ANXA10: variants seen among roughly 807,000 people sequenced by gnomAD.
ANXA10 encodes the protein annexin 14.
ANXA10 carries 49 observed loss-of-function variants against 53.5 expected under a neutral mutation model. The ratio of observed to expected loss-of-function variants is 0.92; its 90% CI spans 0.73 to 1.16. ANXA10 has a LOEUF of 1.16. Ranked by LOEUF, ANXA10 falls within the 50% of genes most tolerant of loss-of-function variation. The pLI, the probability that ANXA10 is intolerant of heterozygous loss-of-function variation, is 0.00. For missense variants in ANXA10, 393 were observed against 394.4 expected (o/e 1.00, Z 0.03); for synonymous variants, 131 against 128.9 (o/e 1.02, Z -0.11).
chr4:168,182,071 TA>T (rs1732259586), intron 10 of ANXA10, among the ~76,000 whole-genome samples: 1 of 152,168 alleles, frequency 6.6e-6, no homozygotes. Context: ...CTTATGCAAG[TA>T]CAAAACATAT....
chr4:168,102,079 T>C (rs1247557736), intron 1 of ANXA10, among the ~76,000 whole-genome samples: 1 of 152,134 alleles, frequency 6.6e-6, no homozygotes, highest in Admixed American at 6.6e-5. Context: ...GAGGAGTACA[T>C]TGTTTGGATT....
intron 3 of ANXA10, among the ~76,000 whole-genome samples, chr4:168,161,191 G>T (rs962298852): frequency 2.0e-5 from 3 of 151,798 alleles, no homozygotes; most frequent in Non-Finnish European, 4.4e-5. Context: ...TTATAGTTTT[G>T]GGTTTTACAT....
chr4:168,184,874 G>A (rs1354208425), intron 11 of ANXA10, among the ~76,000 whole-genome samples, 193 bp downstream of exon 11: 1 of 152,170 alleles, frequency 6.6e-6, no homozygotes, highest in African/African-American at 2.4e-5. Flanking sequence ...CTTTACCTCA[G>A]CTGGGCGTGG....
intron 1 of ANXA10, among the ~76,000 whole-genome samples, chr4:168,109,305 A>G (rs1283854358): frequency 2.0e-5 from 3 of 152,212 alleles, no homozygotes; most frequent in East Asian, 3.8e-4. Context: ...TCAGTTTAAT[A>G]TAAAACACAG....
chr4:168,149,158 T>C (rs1219785706), intron 3 of ANXA10, among the ~76,000 whole-genome samples: 2 of 152,192 alleles, frequency 1.3e-5, no homozygotes, highest in Non-Finnish European at 1.5e-5. Flanking sequence ...CATTTTTGTC[T>C]AAATAGCTGA....
At chr4:168,179,415 T>C in intron 9 of ANXA10, 103 bp downstream of exon 9, 1 of 766,190 alleles carries the variant, frequency 1.3e-6, no homozygotes, top group Non-Finnish European at 2.1e-6. Flanking sequence ...CTTGATCGAG[T>C]CATTTTCCCT....
At chr4:168,167,991 C>G (rs1238581216) in intron 6 of ANXA10, among the ~76,000 whole-genome samples, 1 of 152,148 alleles carries the variant, frequency 6.6e-6, no homozygotes, top group Non-Finnish European at 1.5e-5. Flanking sequence ...TAAACTTTCT[C>G]TCTTCTCCCT....
chr4:168,106,562 C>A (rs879367882), intron 1 of ANXA10, among the ~76,000 whole-genome samples: 3 of 152,148 alleles, frequency 2.0e-5, no homozygotes, highest in Non-Finnish European at 4.4e-5. Context: ...TTCATAGTAA[C>A]TGAAACTTGC....
At chr4:168,100,541 C>G (rs1014624835) in intron 1 of ANXA10, among the ~76,000 whole-genome samples, 2 of 152,024 alleles carry the variant, frequency 1.3e-5, no homozygotes, top group African/African-American at 4.8e-5. Context: ...ATGGGGTGCT[C>G]TTCAAAGTGA....
At chr4:168,165,674 C>A (rs1731865961) in intron 6 of ANXA10, among the ~76,000 whole-genome samples, 1 of 148,896 alleles carries the variant, frequency 6.7e-6, no homozygotes, top group Admixed American at 6.6e-5. Flanking sequence ...GAAATAATTT[C>A]TTTCTTTCTT....
chr4:168,115,257 C>G (rs1308302556), intron 1 of ANXA10, among the ~76,000 whole-genome samples: 1 of 151,992 alleles, frequency 6.6e-6, no homozygotes, highest in Non-Finnish European at 1.5e-5. Flanking sequence ...GCTGAATAAC[C>G]CTATCATGGG....
intron 1 of ANXA10, among the ~76,000 whole-genome samples, chr4:168,104,943 T>C (rs1209073461): frequency 6.6e-6 from 1 of 151,882 alleles, no homozygotes; most frequent in South Asian, 2.1e-4. Context: ...TTCTAATATA[T>C]TTATATTTAA....
rs1025432504 is a variant in ANXA10, at chr4:168,184,551, T to C, written c.784-8T>C. The C allele has an allele frequency of 1.2e-6, 2 of 1,613,490 alleles. No homozygotes were observed. The highest frequency in any genetic ancestry group is 2.2e-5 in the East Asian group (1 of 44,856). On this transcript the variant is annotated splice_region_variant and splice_polypyrimidine_tract_variant and intron_variant, in intron 10 of 11. Coordinates refer to ENST00000359299, the MANE Select transcript of ANXA10 (RefSeq NM_007193.5). ...TTCTCATTTCTCCCACTTTTCTGTA[T>C]CTTTTAGGACTTTGGTTTCCATAAT...
intron 1 of ANXA10, among the ~76,000 whole-genome samples, chr4:168,107,161 T>TA (rs1730732507): frequency 6.6e-6 from 1 of 151,566 alleles, no homozygotes; most frequent in Non-Finnish European, 1.5e-5. Context: ...AGCAGACCAA[T>TA]AAAAAAGAAA....
intron 3 of ANXA10, among the ~76,000 whole-genome samples, chr4:168,155,733 G>C (rs369191921): frequency 6.1e-5 from 1 of 16,452 alleles, no homozygotes; most frequent in South Asian, 2.0e-3. Context: ...TATAATATAT[G>C]ATATATCATA....
chr4:168,178,730 T>C (rs1732182408), intron 8 of ANXA10, among the ~76,000 whole-genome samples: 1 of 152,182 alleles, frequency 6.6e-6, no homozygotes, highest in Non-Finnish European at 1.5e-5. Flanking sequence ...CAATTCTAAA[T>C]TAGTAAACCC....
At chr4:168,116,939 T>C (rs1730903768) in intron 1 of ANXA10, among the ~76,000 whole-genome samples, 1 of 152,106 alleles carries the variant, frequency 6.6e-6, no homozygotes, top group Non-Finnish European at 1.5e-5. Flanking sequence ...TATTTCTCCA[T>C]TTAATTTTAT....
chr4:168,156,331 T>G (rs1578923764), intron 3 of ANXA10, among the ~76,000 whole-genome samples: 1 of 94,878 alleles, frequency 1.1e-5, no homozygotes, highest in Non-Finnish European at 2.1e-5. Flanking sequence ...ATATAATATA[T>G]TATATAGTAT....
At chr4:168,139,602 C>A in intron 3 of ANXA10, 22 bp downstream of exon 3, 1 of 1,583,428 alleles carries the variant, frequency 6.3e-7, no homozygotes, top group South Asian at 1.1e-5. Flanking sequence ...TTATCTTGAC[C>A]TATTTCTAGG....
Sources: allele counts gnomAD v4.1 joint callset (sites outside exome capture counted in the v4.1 genomes callset), GRCh38; gene constraint gnomAD v4.1.1; transcripts MANE v1.5; gene names NCBI Gene and HGNC (gene_info 2026-07-23, HGNC 2026-07-21).